The following RAB37 variants were observed in gnomAD, a reference collection of about 807,000 sequenced individuals.
RAB37 encodes the protein RAB37, member RAS oncogene family.
RAB37 carries 29 observed loss-of-function variants against 33.1 expected under a neutral mutation model. That is an observed-to-expected ratio of 0.88 (90% CI 0.65 to 1.20). The LOEUF (loss-of-function observed/expected upper bound fraction) is 1.20. RAB37 is among the 50% of genes most tolerant of loss of function. The probability of loss-of-function intolerance (pLI) is 0.00; values close to 1 mark genes in which losing one functional copy is unlikely to be tolerated. For synonymous variants in RAB37, 128 were observed against 119.5 expected, an observed-to-expected ratio of 1.07 and a Z score of -0.47; for missense variants, 299 against 301.1, an observed-to-expected ratio of 0.99 and a Z score of 0.05.
intron 1 of RAB37, among the ~76,000 whole-genome samples, chr17:74,706,436 T>G (rs1674716617): frequency 6.7e-6 from 1 of 150,116 alleles, no homozygotes; most frequent in South Asian, 2.1e-4. Context: ...AACATATATA[T>G]ATAAATTCCC....
At chr17:74,722,987 G>A (rs2034261040) in intron 1 of RAB37, among the ~76,000 whole-genome samples, 1 of 152,178 alleles carries the variant, frequency 6.6e-6, no homozygotes. Flanking sequence ...AGTGTACTTA[G>A]ACAGCATTAG....
At chr17:74,740,262 C>T (rs187210165) in intron 1 of RAB37, among the ~76,000 whole-genome samples, 2 of 152,032 alleles carry the variant, frequency 1.3e-5, no homozygotes, top group Admixed American at 6.5e-5. Context: ...ATGACCATGC[C>T]CCACCCCCAG....
chr17:74,741,510 C>T (rs1416718926), intron 2 of RAB37, among the ~76,000 whole-genome samples: 2 of 148,716 alleles, frequency 1.3e-5, no homozygotes, highest in African/African-American at 2.5e-5. Flanking sequence ...CGCTCAAATC[C>T]GGGTGGTGGA....
intron 1 of RAB37, among the ~76,000 whole-genome samples, chr17:74,692,386 G>C (rs547843467): frequency 2.8e-4 from 42 of 152,180 alleles, no homozygotes; most frequent in African/African-American, 1.0e-3. Flanking sequence ...AAAAGCCCTT[G>C]AAATTCTAGG....
intron 1 of RAB37, among the ~76,000 whole-genome samples, chr17:74,682,271 T>C (rs950964236): frequency 6.6e-6 from 1 of 152,140 alleles, no homozygotes; most frequent in Non-Finnish European, 1.5e-5. Flanking sequence ...GGAGTGCAGC[T>C]GACATCGAGC....
intron 1 of RAB37, among the ~76,000 whole-genome samples, chr17:74,703,724 G>A (rs946077151): frequency 6.6e-6 from 1 of 152,136 alleles, no homozygotes; most frequent in Non-Finnish European, 1.5e-5. Flanking sequence ...TGCAACCTGG[G>A]GCCCCAAGGA....
At chr17:74,680,909 A>T (rs2031941697) in intron 1 of RAB37, among the ~76,000 whole-genome samples, 1 of 152,224 alleles carries the variant, frequency 6.6e-6, no homozygotes, top group Non-Finnish European at 1.5e-5. Flanking sequence ...ATGGAAGAGT[A>T]GAAAGGTGAT....
chr17:74,708,844 G>T (rs563911830), intron 1 of RAB37, among the ~76,000 whole-genome samples: 1 of 151,012 alleles, frequency 6.6e-6, no homozygotes, highest in African/African-American at 2.4e-5. Context: ...GAACCCGGGG[G>T]GGCGGAGCTT....
chr17:74,679,615 C>T (rs2031911639), intron 1 of RAB37, among the ~76,000 whole-genome samples: 2 of 152,170 alleles, frequency 1.3e-5, no homozygotes, highest in African/African-American at 4.8e-5. Context: ...ACATTTTATA[C>T]TTAACATATG....
At chr17:74,701,465 T>A (rs1002679334) in intron 1 of RAB37, among the ~76,000 whole-genome samples, 1 of 152,158 alleles carries the variant, frequency 6.6e-6, no homozygotes, top group Non-Finnish European at 1.5e-5. Context: ...CATAAAATAA[T>A]AAATAAATAA....
intron 1 of RAB37, among the ~76,000 whole-genome samples, chr17:74,720,149 C>CA (rs1195552054): frequency 2.0e-5 from 3 of 152,176 alleles, no homozygotes; most frequent in Admixed American, 6.5e-5. Flanking sequence ...ATTTAGGCAC[C>CA]AGCAGGGACG....
Position 74,671,200 on chromosome 17 carries a change from G to T in RAB37, c.-387G>T, listed in dbSNP as rs191449608. 1.3e-3 allele frequency: 261 copies of T among 208,502 alleles called. 2 individuals carry two copies. Among genetic ancestry groups the T allele is most frequent in the African/African-American group, 5.6e-3 (245 of 43,914 alleles). 12.9% of individuals were successfully genotyped at this position (208,502 alleles called of 1,614,324 possible). ...ACCGCAATGCCCTGAGAACGCAGCC[G>T]GGTGCTGAGCCTCCGGAGTCCGGTA... On this transcript the variant is annotated 5_prime_UTR_variant, in exon 1 of 8. Transcript: ENST00000340415. The surrounding 1 kb of genome is among the most constrained non-coding windows in gnomAD (Gnocchi z 5.0).
At chr17:74,679,977 C>CAA (rs11306402) in intron 1 of RAB37, among the ~76,000 whole-genome samples, 9 of 107,042 alleles carry the variant, frequency 8.4e-5, no homozygotes, top group Admixed American at 1.1e-4. Flanking sequence ...GGCTCTGTCT[C>CAA]AAAAAAAAAA....
intron 1 of RAB37, among the ~76,000 whole-genome samples, chr17:74,683,771 G>A (rs1312883147): frequency 2.0e-5 from 3 of 152,266 alleles, no homozygotes; most frequent in Non-Finnish European, 4.4e-5. Flanking sequence ...GATGTGCCTC[G>A]AGTAACCAGG....
chr17:74,722,772 C>T (rs2034258471), intron 1 of RAB37, among the ~76,000 whole-genome samples: 1 of 152,214 alleles, frequency 6.6e-6, no homozygotes, highest in Non-Finnish European at 1.5e-5. Context: ...TGTACCATTT[C>T]TCATTCGACT....
rs999980707 is a variant in RAB37, at chr17:74,700,362, C to T, written c.72+28704C>T. ...CCAGGCACATCCCCACATTACGGAC[C>T]TTATTCCAGTTGCATTTTTCTCCAG... On this transcript the variant is annotated intron_variant, in intron 1 of 7. Transcript: ENST00000340415. 2.0e-5 allele frequency among the ~76,000 whole-genome samples: 3 copies of T among 152,176 alleles called. No homozygotes were observed. The South Asian group carries it at 6.2e-4, about 32-fold the overall frequency.
At chr17:74,735,017 G>GAA (rs2034449356), upstream of RAB37, among the ~76,000 whole-genome samples, 1 of 93,796 alleles carries the variant, frequency 1.1e-5, no homozygotes, top group Non-Finnish European at 2.2e-5. Context: ...AAGGAAGGAA[G>GAA]GAAGAAAGAA....
At chr17:74,691,697 T>C (rs2032159520) in intron 1 of RAB37, among the ~76,000 whole-genome samples, 1 of 152,196 alleles carries the variant, frequency 6.6e-6, no homozygotes, top group South Asian at 2.1e-4. Flanking sequence ...CTGGGATCTA[T>C]GATTTTATAT....
chr17:74,712,957 C>A, intron 1 of RAB37: 2 of 1,307,666 alleles, frequency 1.5e-6, no homozygotes, highest in Non-Finnish European at 2.2e-6. Context: ...TACTCACTCT[C>A]GCCCTTGAAC....
Sources: gnomAD v4.1 joint callset for allele counts (sites outside exome capture counted in the v4.1 genomes callset) on GRCh38, gnomAD v4.1.1 for gene constraint, Gnocchi (gnomAD v3.1) non-coding constraint, MANE v1.5 for transcripts, NCBI Gene and HGNC (gene_info 2026-07-23, HGNC 2026-07-21) for gene names.